The following MTA3 variants were observed in gnomAD, a reference collection of about 807,000 sequenced individuals.
MTA3 encodes metastasis associated 1 family member 3, also known as metastasis-associated protein MTA3.
In MTA3, 34 loss-of-function variants were observed where a neutral mutation model predicts 83.5. The ratio of observed to expected loss-of-function variants is 0.41; its 90% CI spans 0.31 to 0.54. The LOEUF (loss-of-function observed/expected upper bound fraction) is 0.54. Ranked by LOEUF, MTA3 falls within the 20% of genes least tolerant of loss-of-function variation. The pLI is 0.33. For missense variants in MTA3, 761 were observed against 726.4 expected (o/e 1.05, Z -0.55); for synonymous variants, 303 against 252.7 (o/e 1.20, Z -1.89).
intron 14 of MTA3, 98 bp from the exon 15 acceptor site, chr2:42,718,890 G>T (rs759195731): frequency 5.8e-6 from 5 of 868,002 alleles, no homozygotes; most frequent in East Asian, 2.7e-5. Context: ...TGGCTATTTT[G>T]TACTGTTTTC....
intron 2 of MTA3, among the ~76,000 whole-genome samples, chr2:42,560,626 G>A (rs867250582): frequency 1.3e-5 from 2 of 151,170 alleles, no homozygotes; most frequent in East Asian, 1.9e-4. Context: ...ACCCCAGGGC[G>A]TGGCACGGTG....
chr2:42,548,535 T>C (rs1676864860), intron 2 of MTA3, among the ~76,000 whole-genome samples: 1 of 150,186 alleles, frequency 6.7e-6, no homozygotes, highest in Admixed American at 6.7e-5. Flanking sequence ...CTCACGCCTG[T>C]AATTCCAGCA....
chr2:42,512,868 C>G (rs907825021), intron 2 of MTA3, among the ~76,000 whole-genome samples: 3 of 152,168 alleles, frequency 2.0e-5, no homozygotes, highest in African/African-American at 7.2e-5. Flanking sequence ...TGCTTTCACC[C>G]TAGTCACCAA....
intron 14 of MTA3, among the ~76,000 whole-genome samples, chr2:42,716,243 A>G (rs1347695968): frequency 1.3e-5 from 2 of 152,174 alleles, no homozygotes; most frequent in African/African-American, 4.8e-5. Flanking sequence ...TAATTAGCCA[A>G]TATCTGGGTG....
intron 2 of MTA3, among the ~76,000 whole-genome samples, chr2:42,510,088 G>T (rs1442812806): frequency 6.6e-6 from 1 of 152,114 alleles, no homozygotes; most frequent in East Asian, 1.9e-4. Context: ...CACTTTGGGG[G>T]GCCAAGGTGG....
At chr2:42,565,204 T>C (rs1423866958), upstream of MTA3, among the ~76,000 whole-genome samples, 1 of 152,176 alleles carries the variant, frequency 6.6e-6, no homozygotes, top group Non-Finnish European at 1.5e-5. Flanking sequence ...TTATTTATTT[T>C]GAGACAGAGT....
intron 2 of MTA3, among the ~76,000 whole-genome samples, chr2:42,558,024 C>T (rs535749032): frequency 6.8e-4 from 103 of 152,206 alleles, no homozygotes; most frequent in Non-Finnish European, 1.3e-3. Context: ...ATTCATTGGC[C>T]ACCACTTTGC....
At chr2:42,632,330 T>TC (rs1269355521) in intron 4 of MTA3, among the ~76,000 whole-genome samples, 6 of 149,628 alleles carry the variant, frequency 4.0e-5, no homozygotes, top group Non-Finnish European at 7.4e-5. Context: ...GACCTCATGA[T>TC]CCGCCCACCT....
At chr2:42,641,675 G>A (rs955593638) in intron 5 of MTA3, among the ~76,000 whole-genome samples, 3 of 152,090 alleles carry the variant, frequency 2.0e-5, no homozygotes, top group African/African-American at 7.2e-5. Context: ...GTGAAAGCCT[G>A]TATCTGCTAA....
chr2:42,615,419 G>A (rs541916983), intron 4 of MTA3, among the ~76,000 whole-genome samples: 6 of 151,580 alleles, frequency 4.0e-5, no homozygotes, highest in African/African-American at 9.7e-5. Context: ...CTAGTGCTGC[G>A]ATCTCGATTC....
At chr2:42,573,716 G>A (rs1285728453) in intron 2 of MTA3, among the ~76,000 whole-genome samples, 2 of 151,906 alleles carry the variant, frequency 1.3e-5, no homozygotes, top group Non-Finnish European at 2.9e-5. Flanking sequence ...TCACCATGTT[G>A]GCCAGGCTGG....
At chr2:42,682,270 T>G (rs1692002559) in intron 8 of MTA3, 131 bp from the exon 9 acceptor site, 1 of 651,990 alleles carries the variant, frequency 1.5e-6, no homozygotes, top group Non-Finnish European at 2.4e-6. Context: ...GTAATCTGTT[T>G]AAAATTTTGT....
intron 3 of MTA3, among the ~76,000 whole-genome samples, chr2:42,592,223 C>G (rs1047417160): frequency 1.3e-5 from 2 of 151,950 alleles, no homozygotes; most frequent in Non-Finnish European, 2.9e-5. Context: ...GATCATGCCT[C>G]TGCACTCTAG....
Position 42,509,181 on chromosome 2 carries a change from T to A in MTA3, c.-141+13927T>A, listed in dbSNP as rs148843319. ...CCTCAGCCTCCCAAGTAGCTGGGAC[T>A]ACAGGTGTCCACCACCATGCCCAGC... On this transcript the variant is annotated intron_variant, in intron 2 of 17. Coordinates refer to the MTA3 transcript ENST00000405592. Among the ~76,000 whole-genome samples the A allele has an allele frequency of 1.7e-3, 258 of 152,130 alleles. 6 individuals are homozygous for A. The East Asian group carries it at 0.038, about 23-fold the overall frequency.
intron 2 of MTA3, among the ~76,000 whole-genome samples, chr2:42,512,692 G>C (rs918663919): frequency 3.3e-5 from 5 of 152,074 alleles, no homozygotes; most frequent in African/African-American, 9.7e-5. Context: ...TTCTCCTCTA[G>C]ATAACAGTGT....
intron 15 of MTA3, among the ~76,000 whole-genome samples, chr2:42,721,105 A>G (rs1469590618): frequency 1.3e-5 from 2 of 151,958 alleles, no homozygotes; most frequent in African/African-American, 4.8e-5. Flanking sequence ...CAGCTGAACC[A>G]CATCCCTACA....
chr2:42,603,528 A>G (rs548509793), intron 3 of MTA3, among the ~76,000 whole-genome samples: 1 of 152,142 alleles, frequency 6.6e-6, no homozygotes, highest in African/African-American at 2.4e-5. Flanking sequence ...TAAATTTCTG[A>G]TGGGATCCTG....
At chr2:42,596,001 A>G (rs2103968670) in intron 3 of MTA3, among the ~76,000 whole-genome samples, 1 of 152,334 alleles carries the variant, frequency 6.6e-6, no homozygotes, top group Non-Finnish European at 1.5e-5. Context: ...TCCGAGAGAA[A>G]TACTAAAGAG....
intron 3 of MTA3, among the ~76,000 whole-genome samples, chr2:42,583,996 A>G (rs943325567): frequency 6.6e-6 from 1 of 151,888 alleles, no homozygotes; most frequent in African/African-American, 2.4e-5. Flanking sequence ...GGCATGCGCC[A>G]CCATGCCTGA....
Sources: allele counts gnomAD v4.1 joint callset (sites outside exome capture counted in the v4.1 genomes callset), GRCh38; gene constraint gnomAD v4.1.1; transcripts MANE v1.5; gene names NCBI Gene and HGNC (gene_info 2026-07-23, HGNC 2026-07-21).